Variants in UBE3C observed in about 807,000 individuals in gnomAD.
UBE3C encodes the protein ubiquitin-protein ligase E3C.
A neutral mutation model predicts 129.4 loss-of-function variants in UBE3C; 42 were observed. The observed-to-expected ratio is 0.32, with a 90% CI of 0.25 to 0.42. UBE3C has a LOEUF of 0.42. Ranked by LOEUF, UBE3C falls within the 10% of genes least tolerant of loss-of-function variation. The pLI, the probability that UBE3C is intolerant of heterozygous loss-of-function variation, is 1.00. For missense variants in UBE3C, 1,049 were observed against 1,319.1 expected (o/e 0.80, Z 3.17); for synonymous variants, 510 against 492.4 (o/e 1.04, Z -0.47).
At chr7:157,224,377 G>T (rs1044567512) in intron 16 of UBE3C, among the ~76,000 whole-genome samples, 5 of 151,888 alleles carry the variant, frequency 3.3e-5, no homozygotes, top group Admixed American at 2.6e-4. Flanking sequence ...TGTATTTTCA[G>T]TAGAGACGGG....
At chr7:157,167,334 A>G (rs1808245156) in intron 2 of UBE3C, among the ~76,000 whole-genome samples, 1 of 152,196 alleles carries the variant, frequency 6.6e-6, no homozygotes, top group Non-Finnish European at 1.5e-5. Context: ...AGCTTTGTAG[A>G]TGGCATTCAT....
chr7:157,221,893 C>T (rs1795748041), intron 15 of UBE3C: 1 of 152,066 alleles, frequency 6.6e-6, no homozygotes, highest in Admixed American at 6.6e-5. Flanking sequence ...TTTTTGGAGA[C>T]AGGGTCTCAC....
intron 5 of UBE3C, among the ~76,000 whole-genome samples, chr7:157,177,749 A>C (rs757129965): frequency 1.3e-5 from 2 of 152,176 alleles, no homozygotes; most frequent in Non-Finnish European, 2.9e-5. Context: ...CTGTTGAGAC[A>C]GAAGGCAGCC....
chr7:157,240,935 G>C (rs939379888), intron 18 of UBE3C, among the ~76,000 whole-genome samples: 4 of 152,176 alleles, frequency 2.6e-5, no homozygotes, highest in African/African-American at 7.2e-5. Flanking sequence ...AGAGTGTGTT[G>C]GACTCTCAGG....
intron 18 of UBE3C, among the ~76,000 whole-genome samples, chr7:157,237,902 A>G (rs1796194314): frequency 6.6e-6 from 1 of 151,004 alleles, no homozygotes; most frequent in Admixed American, 6.6e-5. Flanking sequence ...AAAAAAAAAA[A>G]GTAGCCAGGC....
chr7:157,204,398 CAAAAAAAAA>C (rs35298527), intron 11 of UBE3C, among the ~76,000 whole-genome samples: 1 of 86,398 alleles, frequency 1.2e-5, no homozygotes, highest in Non-Finnish European at 2.4e-5. Flanking sequence ...AACTTTGTTT[CAAAAAAAAA>C]AAAAAAAAAA....
intron 13 of UBE3C, among the ~76,000 whole-genome samples, 198 bp from the exon 14 acceptor site, chr7:157,216,669 A>G (rs920591923): frequency 2.8e-4 from 43 of 152,120 alleles, no homozygotes; most frequent in African/African-American, 9.9e-4. Flanking sequence ...TTCTGCACAT[A>G]TTTGTTGGCA....
At chr7:157,178,399 G>A (rs1399539122) in intron 5 of UBE3C, among the ~76,000 whole-genome samples, 1 of 152,182 alleles carries the variant, frequency 6.6e-6, no homozygotes, top group African/African-American at 2.4e-5. Flanking sequence ...ACTTCTTACA[G>A]TGTTTTGTAA....
At chr7:157,259,740 C>T (rs543387250) in intron 22 of UBE3C, among the ~76,000 whole-genome samples, 80 of 152,264 alleles carry the variant, frequency 5.3e-4, no homozygotes, top group African/African-American at 1.8e-3. Context: ...GCGGGAGCTT[C>T]GGAGAAGTGG....
At chr7:157,197,505 ATTTGTT>A (rs1043595918) in intron 10 of UBE3C, 6 of 798,878 alleles carry the variant, frequency 7.5e-6, no homozygotes, top group Non-Finnish European at 1.1e-5. Flanking sequence ...AATAAAAATA[ATTTGTT>A]TTTTTTTTTT....
At chr7:157,182,423 A>G in intron 8 of UBE3C, 95 bp downstream of exon 8, 1 of 1,258,738 alleles carries the variant, frequency 7.9e-7, no homozygotes, top group South Asian at 1.4e-5. Context: ...GTGTTATGGA[A>G]AGGTGGGCCT....
intron 1 of UBE3C, among the ~76,000 whole-genome samples, chr7:157,154,227 G>A (rs921259927): frequency 8.6e-5 from 13 of 151,860 alleles, no homozygotes; most frequent in African/African-American, 1.7e-4. Context: ...AGACTGAGGC[G>A]GAGAATTGCT....
chr7:157,221,125 G>T, intron 15 of UBE3C: 1 of 199,798 alleles, frequency 5.0e-6, no homozygotes, highest in Admixed American at 5.3e-5. Flanking sequence ...CAGTATTCCA[G>T]TGTGGGGATG....
chr7:157,201,389 A>G (rs967320387), intron 10 of UBE3C, among the ~76,000 whole-genome samples: 1 of 151,854 alleles, frequency 6.6e-6, no homozygotes, highest in African/African-American at 2.4e-5. Flanking sequence ...TGATATATTA[A>G]TACGATATGT....
At chr7:157,139,909 C>T (rs1807388147) in intron 1 of UBE3C, 2 of 741,296 alleles carry the variant, frequency 2.7e-6, no homozygotes, top group South Asian at 1.2e-4. Flanking sequence ...TCATGAATAG[C>T]CACGTGTTTG....
At chr7:157,164,582 T>G (rs1808163333) in intron 2 of UBE3C, 1 of 378,942 alleles carries the variant, frequency 2.6e-6, no homozygotes, top group African/African-American at 2.1e-5. Context: ...CGTTATATCT[T>G]GTGATAGTTT....
chr7:157,153,198 A>AAAAAC (rs796769924), intron 1 of UBE3C, among the ~76,000 whole-genome samples: 2 of 152,278 alleles, frequency 1.3e-5, no homozygotes, highest in Admixed American at 6.5e-5. Flanking sequence ...ACTCCCTCTC[A>AAAAAC]AAAACAAAAC....
rs1335030113 is a variant in UBE3C at position 157,248,470 on chromosome 7, C to G, written c.2584C>G (p.Leu862Val). Residue 862 changes from leucine (L) to valine (V), a missense_variant, in exon 19 of 23, where the codon CTA (leucine) becomes GTA (valine). Around this residue, in one of 4 missense-constraint regions of UBE3C, gnomAD observed 243 missense variants for 368.7 expected, o/e 0.66. Coordinates refer to ENST00000348165, the MANE Select transcript of UBE3C (RefSeq NM_014671.3). ...CGTGGACATTCACCACCTCGCCTCC[C>G]TAGACCCTGAGGTGTATAAGAATTT... ...ADVDIHHLAS[L>V]DPEVYKNLLF... 2 of 1,613,612 alleles carry G rather than the reference C, an allele frequency of 1.2e-6. No homozygotes were observed. Among genetic ancestry groups the G allele is most frequent in the Non-Finnish European group, 8.5e-7 (1 of 1,180,016 alleles).
intron 18 of UBE3C, among the ~76,000 whole-genome samples, chr7:157,238,981 A>G (rs1449960796): frequency 2.0e-5 from 3 of 152,224 alleles, no homozygotes; most frequent in Non-Finnish European, 4.4e-5. Flanking sequence ...AGAAGTGGCC[A>G]TGTCATTTAG....
Sources: allele counts gnomAD v4.1 joint callset (sites outside exome capture counted in the v4.1 genomes callset), GRCh38; gene constraint gnomAD v4.1.1; regional missense constraint gnomAD v4.1.1; transcripts MANE v1.5; gene names NCBI Gene and HGNC (gene_info 2026-07-23, HGNC 2026-07-21).